Variants in MRAP observed in about 807,000 individuals in gnomAD.
MRAP encodes melanocortin 2 receptor accessory protein.
MRAP carries 8 observed loss-of-function variants against 8.7 expected under a neutral mutation model. That is an observed-to-expected ratio of 0.92 (90% CI 0.54 to 1.66). The LOEUF (loss-of-function observed/expected upper bound fraction) is 1.66. MRAP is among the 40% of genes most tolerant of loss of function. MRAP has a pLI of 0.00. For missense variants in MRAP, 237 were observed against 217.1 expected (o/e 1.09, Z -0.58); for synonymous variants, 95 against 95.5 (o/e 1.00, Z 0.03).
At chr21:32,300,316 T>C (rs758893348) in intron 1 of MRAP, among the ~76,000 whole-genome samples, 4 of 151,418 alleles carry the variant, frequency 2.6e-5, no homozygotes, top group African/African-American at 4.8e-5. Flanking sequence ...AGATGCGTCA[T>C]GTGTCATGCA....
At chr21:32,309,643 G>C (rs1017782656) in intron 2 of MRAP, among the ~76,000 whole-genome samples, 1 of 150,620 alleles carries the variant, frequency 6.6e-6, no homozygotes. Context: ...GTAGAGACAG[G>C]GTTTTGCCAA....
rs2123506439 is a variant in MRAP, at chr21:32,303,236, G to A, written c.107-3404G>A. Among the ~76,000 whole-genome samples the A allele has an allele frequency of 1.3e-5, 2 of 152,176 alleles. 1 individual carries two copies. The highest frequency in any genetic ancestry group is 4.2e-4 in the South Asian group (2 of 4,814). ...TGACCTTAGGTGATCCACCCACCTT[G>A]GCCTCCCAAAGTGCTGGGATTACAG... On this transcript the variant is annotated intron_variant, in intron 1 of 2. Coordinates refer to ENST00000303645, the MANE Select transcript of MRAP (RefSeq NM_001379228.1).
At chr21:32,306,167 C>T (rs2032410612) in intron 1 of MRAP, among the ~76,000 whole-genome samples, 1 of 152,158 alleles carries the variant, frequency 6.6e-6, no homozygotes, top group African/African-American at 2.4e-5. Context: ...CAGCGCACAT[C>T]CTCCGCAGGG....
At chr21:32,300,185 G>A (rs1198629818) in intron 1 of MRAP, among the ~76,000 whole-genome samples, 2 of 152,148 alleles carry the variant, frequency 1.3e-5, no homozygotes, top group Admixed American at 6.5e-5. Flanking sequence ...CCAGGAGTTC[G>A]AGGCCAGCCT....
chr21:32,303,930 C>T (rs1332412245), intron 1 of MRAP, among the ~76,000 whole-genome samples: 2 of 152,130 alleles, frequency 1.3e-5, no homozygotes, highest in African/African-American at 2.4e-5. Context: ...ACTTAAACTC[C>T]ACTTATATGA....
At chr21:32,305,602 C>T (rs919198616) in intron 1 of MRAP, among the ~76,000 whole-genome samples, 1 of 152,110 alleles carries the variant, frequency 6.6e-6, no homozygotes, top group African/African-American at 2.4e-5. Flanking sequence ...GCTGGTTTAG[C>T]CCCCTCTGAA....
upstream of MRAP, among the ~76,000 whole-genome samples, chr21:32,294,690 T>A (rs1024271957): frequency 2.0e-5 from 3 of 152,182 alleles, no homozygotes; most frequent in African/African-American, 7.2e-5. Context: ...GTTTTAAATT[T>A]CAGCTGAATG....
At chr21:32,299,694 G>C (rs1351607982) in intron 1 of MRAP, among the ~76,000 whole-genome samples, 2 of 152,146 alleles carry the variant, frequency 1.3e-5, no homozygotes, top group African/African-American at 4.8e-5. Flanking sequence ...AGCTGAGCGA[G>C]TTTCCTCAAA....
chr21:32,306,068 G>A (rs1254457974), intron 1 of MRAP, among the ~76,000 whole-genome samples: 1 of 152,090 alleles, frequency 6.6e-6, no homozygotes, highest in Admixed American at 6.5e-5. Context: ...AGAGGGACTC[G>A]CTATTTCCAC....
intron 2 of MRAP, among the ~76,000 whole-genome samples, chr21:32,308,170 T>C (rs1174828717): frequency 6.6e-6 from 1 of 152,108 alleles, no homozygotes; most frequent in Admixed American, 6.5e-5. Flanking sequence ...ATCAGGCCTT[T>C]GAGACCAGAC....
chr21:32,300,630 TGC>T (rs2032246940), intron 1 of MRAP, among the ~76,000 whole-genome samples: 2 of 122,720 alleles, frequency 1.6e-5, no homozygotes, highest in Non-Finnish European at 3.4e-5. Flanking sequence ...GTATGTCAGA[TGC>T]GTCACACGTC....
At chr21:32,293,432 T>C (rs958675406) in intron 2 of MRAP, among the ~76,000 whole-genome samples, 2 of 152,198 alleles carry the variant, frequency 1.3e-5, no homozygotes, top group Non-Finnish European at 2.9e-5. Context: ...AGCACACTAA[T>C]GCACCCAGGT....
intron 2 of MRAP, among the ~76,000 whole-genome samples, chr21:32,293,847 T>C (rs2032093125): frequency 6.6e-6 from 1 of 152,158 alleles, no homozygotes; most frequent in Non-Finnish European, 1.5e-5. Flanking sequence ...TTCTTACTAA[T>C]GTCAAAGGGG....
chr21:32,302,737 G>A (rs933601700), intron 1 of MRAP, among the ~76,000 whole-genome samples: 2 of 152,282 alleles, frequency 1.3e-5, no homozygotes, highest in South Asian at 4.1e-4. Context: ...GAATAAGAAC[G>A]GACACACGGT....
chr21:32,306,610 A>G (rs369474712), intron 1 of MRAP, 30 bp from the exon 2 acceptor site: 73 of 1,594,026 alleles, frequency 4.6e-5, no homozygotes, highest in African/African-American at 4.0e-4. Context: ...GACATAACCC[A>G]GCGCTGAGAT....
chr21:32,295,273 G>A (rs1304894687), upstream of MRAP, among the ~76,000 whole-genome samples: 5 of 152,300 alleles, frequency 3.3e-5, no homozygotes, highest in South Asian at 2.1e-4. Context: ...GGCAACTGGC[G>A]AGATCAAGTG....
chr21:32,311,419 C>A, intron 2 of MRAP: 1 of 304,872 alleles, frequency 3.3e-6, no homozygotes, highest in Non-Finnish European at 6.1e-6. Context: ...CCCCCCACCC[C>A]CCCCATCCTA....
upstream of MRAP, among the ~76,000 whole-genome samples, chr21:32,296,340 G>A (rs1415614066): frequency 6.6e-6 from 1 of 152,152 alleles, no homozygotes; most frequent in Non-Finnish European, 1.5e-5. Context: ...CCAGAATAGT[G>A]TTATTTGCAC....
chr21:32,311,731 A>G lies in MRAP; in HGVS notation c.254A>G (p.Asn85Ser). Residue 85 changes from asparagine (N) to serine (S), a missense_variant, in exon 3 of 3, where the codon AAC (asparagine) becomes AGC (serine). Transcript: ENST00000303645. ...HQTCPWSHGLNLHLCIQKCLP... is the reference protein window; with the variant it reads ...HQTCPWSHGLSLHLCIQKCLP... ...ACATGCCCCTGGAGTCACGGCCTCA[A>G]CCTCCACCTCTGCATCCAGAAGTGC... 1 of 1,613,942 alleles carries G rather than the reference A, an allele frequency of 6.2e-7. No individual in the cohort carries two copies. The highest frequency in any genetic ancestry group is 1.7e-4 in the Middle Eastern group (1 of 6,056).
Sources: allele counts gnomAD v4.1 joint callset (sites outside exome capture counted in the v4.1 genomes callset), GRCh38; gene constraint gnomAD v4.1.1; transcripts MANE v1.5; gene names NCBI Gene and HGNC (gene_info 2026-07-23, HGNC 2026-07-21).